The following RNF157 variants were observed in gnomAD, a reference collection of about 807,000 sequenced individuals.
RNF157 encodes the protein ring finger protein 157, also known as E3 ubiquitin ligase RNF157.
RNF157 carries 55 observed loss-of-function variants against 88.3 expected under a neutral mutation model. The observed-to-expected ratio is 0.62, with a 90% CI of 0.50 to 0.78. RNF157 has a LOEUF of 0.78. RNF157 is among the 30% of genes least tolerant of loss of function. RNF157 has a pLI of 0.00. For missense variants in RNF157, 788 were observed against 860.8 expected (o/e 0.92, Z 1.06); for synonymous variants, 334 against 341.2 (o/e 0.98, Z 0.23).
intron 2 of RNF157, among the ~76,000 whole-genome samples, chr17:76,197,821 A>G (rs1178108300): frequency 6.6e-6 from 1 of 152,238 alleles, no homozygotes; most frequent in Non-Finnish European, 1.5e-5. Context: ...CTCTCAGCCT[A>G]TACTAGTCTA....
At position 76,176,109 on chromosome 17, in the gene RNF157, A is replaced by G. The variant is rs1232143633; in HGVS notation, c.208-2319T>C. 1.3e-5 allele frequency among the ~76,000 whole-genome samples: 2 copies of G among 152,232 alleles called. No individual in the cohort carries two copies. The highest frequency in any genetic ancestry group is 2.9e-5 in the Non-Finnish European group (2 of 68,038). On this transcript the variant is annotated intron_variant, in intron 2 of 18. Coordinates refer to ENST00000269391, the MANE Select transcript of RNF157 (RefSeq NM_052916.3). This position sits in a 1 kb window ranked among gnomAD's most constrained non-coding sequence, Gnocchi z 4.2. Reference sequence around the variant, plus strand: ...GCTGGCCTTGCATTCATGCAATCAGAGTCTACATGCAACACTCCATGCCAG... The same window carrying G: ...GCTGGCCTTGCATTCATGCAATCAGGGTCTACATGCAACACTCCATGCCAG...
Position 76,145,114 on chromosome 17 carries a change from C to A in RNF157, c.*121G>T. ...GAGGGATTGTGGTTACAGGTTGTAA[C>A]AGCTGTCACAGGAGGGTAAAAAGTC... is the stretch of plus-strand genomic sequence containing the variant. On this transcript the variant is annotated 3_prime_UTR_variant, in exon 19 of 19. Coordinates refer to ENST00000269391, the MANE Select transcript of RNF157 (RefSeq NM_052916.3). The A allele has an allele frequency of 1.6e-6, 1 of 634,408 alleles. No individual in the cohort carries two copies. The highest frequency in any genetic ancestry group is 2.8e-6 in the Non-Finnish European group (1 of 355,762). The allele number at this position is 634,408 out of a possible 1,614,324, so 39.3% of individuals were successfully genotyped here. A position where few individuals can be genotyped will look rare whatever the true frequency, so the allele number is the denominator to read the frequency against.
chr17:76,150,815 C>A (rs2068662623), intron 18 of RNF157, among the ~76,000 whole-genome samples: 1 of 152,248 alleles, frequency 6.6e-6, no homozygotes, highest in Non-Finnish European at 1.5e-5. Context: ...GCCTTGCTCA[C>A]AGCCCCACGC....
At chr17:76,178,340 C>A (rs1048512847) in intron 2 of RNF157, among the ~76,000 whole-genome samples, 2 of 152,242 alleles carry the variant, frequency 1.3e-5, no homozygotes, top group African/African-American at 4.8e-5. Flanking sequence ...CCTGGTCCAG[C>A]CACAGCCTCG....
chr17:76,200,838 G>A (rs763797296), intron 2 of RNF157, among the ~76,000 whole-genome samples: 71 of 152,146 alleles, frequency 4.7e-4, no homozygotes, highest in Middle Eastern at 6.8e-3. Context: ...ATACCATTTC[G>A]AATCAACTGT....
intron 2 of RNF157, among the ~76,000 whole-genome samples, chr17:76,178,811 G>A (rs1165468880): frequency 6.6e-6 from 1 of 152,094 alleles, no homozygotes; most frequent in Non-Finnish European, 1.5e-5. Context: ...AGGGAGCAGA[G>A]GTTATTTTTC....
intron 5 of RNF157, 58 bp downstream of exon 5, chr17:76,166,951 A>G: frequency 8.3e-7 from 1 of 1,200,102 alleles, no homozygotes; most frequent in Admixed American, 2.2e-5. Context: ...ACCGAGTCCT[A>G]AGTAGCCCCT....
chr17:76,226,660 GA>G, intron 1 of RNF157: 4 of 1,612,476 alleles, frequency 2.5e-6, no homozygotes, highest in Non-Finnish European at 2.5e-6. Context: ...TGTCGCTGGA[GA>G]ACCCATGAGG....
At chr17:76,185,116 T>C (rs949931722) in intron 2 of RNF157, among the ~76,000 whole-genome samples, 1 of 152,198 alleles carries the variant, frequency 6.6e-6, no homozygotes, top group Non-Finnish European at 1.5e-5. Context: ...CTTGACTCAT[T>C]GTTTGAGAAT....
At position 76,160,999 on chromosome 17, in the gene RNF157, AAAT is replaced by A. The variant is rs1890174287; in HGVS notation, c.1065+533_1065+535del. Among the ~76,000 whole-genome samples the A allele has an allele frequency of 6.6e-6, 1 of 152,172 alleles. No individual in the cohort carries two copies. The highest frequency in any genetic ancestry group is 6.5e-5 in the Admixed American group (1 of 15,276). Reference sequence around the variant, plus strand: ...ACTAATTATCCCAATACCATTCACTAAATAATAATCTCTCCCAGCAGTGCGTTA... The same window carrying A: ...ACTAATTATCCCAATACCATTCACTAAATAATCTCTCCCAGCAGTGCGTTA... On this transcript the variant is annotated intron_variant, in intron 11 of 18. Coordinates refer to ENST00000269391, the MANE Select transcript of RNF157 (RefSeq NM_052916.3). The surrounding 1 kb of genome is among the most constrained non-coding windows in gnomAD (Gnocchi z 4.3).
Position 76,154,053 on chromosome 17 carries a change from C to T in RNF157, c.1810+230G>A, listed in dbSNP as rs533500922. ...GACCTGTATGTATCTCCTGCAGCAC[C>T]CGCACCTGACATCCATGGCTCTGAG... On this transcript the variant is annotated intron_variant, in intron 17 of 18. Transcript: ENST00000269391. The T allele has an allele frequency of 2.1e-5, 11 of 531,140 alleles. 1 individual carries two copies. The South Asian group carries it at 2.2e-4, about 11-fold the overall frequency. 32.9% of individuals were successfully genotyped at this position (531,140 alleles called of 1,614,324 possible). A position where few individuals can be genotyped will look rare whatever the true frequency, so the allele number is the denominator to read the frequency against.
intron 1 of RNF157, among the ~76,000 whole-genome samples, chr17:76,232,717 C>A (rs2070214639): frequency 6.6e-6 from 1 of 152,236 alleles, no homozygotes; most frequent in Admixed American, 6.5e-5. Context: ...CATAACACTT[C>A]ATAAAGATTC....
At chr17:76,150,756 A>G (rs1408933128) in intron 18 of RNF157, among the ~76,000 whole-genome samples, 1 of 152,180 alleles carries the variant, frequency 6.6e-6, no homozygotes, top group African/African-American at 2.4e-5. Context: ...ATTTTTTCTC[A>G]TAAGCTCTTA....
chr17:76,172,732 C>A (rs1341479113), intron 3 of RNF157, among the ~76,000 whole-genome samples: 1 of 150,874 alleles, frequency 6.6e-6, no homozygotes, highest in Non-Finnish European at 1.5e-5. Context: ...GTCTCTGAGT[C>A]ATCTTCCTTG....
chr17:76,189,441 A>G (rs1462705283), intron 2 of RNF157, among the ~76,000 whole-genome samples: 1 of 152,232 alleles, frequency 6.6e-6, no homozygotes, highest in East Asian at 1.9e-4. Flanking sequence ...CGGTGACTTT[A>G]GACAAGCTGC....
At chr17:76,178,185 G>A (rs2069134790) in intron 2 of RNF157, among the ~76,000 whole-genome samples, 1 of 152,242 alleles carries the variant, frequency 6.6e-6, no homozygotes, top group African/African-American at 2.4e-5. Context: ...GAGAAGAGCT[G>A]TGGCCCGTCG....
At chr17:76,220,980 G>T (rs1002720046) in intron 1 of RNF157, among the ~76,000 whole-genome samples, 1 of 151,814 alleles carries the variant, frequency 6.6e-6, no homozygotes, top group Non-Finnish European at 1.5e-5. Flanking sequence ...AAAATTAGCC[G>T]GCTTGGTGGC....
At chr17:76,215,889 T>C (rs1314168601) in intron 1 of RNF157, among the ~76,000 whole-genome samples, 1 of 152,210 alleles carries the variant, frequency 6.6e-6, no homozygotes, top group Non-Finnish European at 1.5e-5. Flanking sequence ...GAATTCATCA[T>C]TTAGGAAAGC....
At chr17:76,172,628 A>AAAAAAAAAAAAAAAAAAAAT (rs2069034833) in intron 3 of RNF157, among the ~76,000 whole-genome samples, 1 of 142,396 alleles carries the variant, frequency 7.0e-6, no homozygotes, top group African/African-American at 2.6e-5. Context: ...AAAAAAAAAA[A>AAAAAAAAAAAAAAAAAAAAT]AAAAAGGCGA....
Sources: gnomAD v4.1 joint callset for allele counts (sites outside exome capture counted in the v4.1 genomes callset) on GRCh38, gnomAD v4.1.1 for gene constraint, Gnocchi (gnomAD v3.1) non-coding constraint, MANE v1.5 for transcripts, NCBI Gene and HGNC (gene_info 2026-07-23, HGNC 2026-07-21) for gene names.